Variants in GUCY1A1 observed in about 807,000 individuals in gnomAD.
The protein encoded by GUCY1A1 is guanylate cyclase 1 soluble subunit alpha 1, also known as guanylate cyclase soluble subunit alpha-1.
In GUCY1A1, 48 loss-of-function variants were observed where a neutral mutation model predicts 64.5. The ratio of observed to expected loss-of-function variants is 0.74; its 90% CI spans 0.59 to 0.95. The LOEUF (loss-of-function observed/expected upper bound fraction) is 0.95. GUCY1A1 is among the 40% of genes least tolerant of loss of function. The pLI, the probability that GUCY1A1 is intolerant of heterozygous loss-of-function variation, is 0.00. For missense variants in GUCY1A1, 804 were observed against 825.3 expected, an observed-to-expected ratio of 0.97 and a Z score of 0.32; for synonymous variants, 308 against 303.4, an observed-to-expected ratio of 1.02 and a Z score of -0.16.
chr4:155,710,901 G>A lies in GUCY1A1; in HGVS notation c.736G>A (p.Glu246Lys), dbSNP rs779705136. The A allele has an allele frequency of 4.3e-6, 7 of 1,613,914 alleles. No homozygotes were observed. The highest frequency in any genetic ancestry group is 5.1e-6 in the Non-Finnish European group (6 of 1,179,828). ...TCCCTGCTTCCATAATGATTGCAGC[G>A]AGTTTGTGAATCAGCCCTACTTGTT... Reference protein sequence around the residue: ...MPPCFHNDCSEFVNQPYLLYS... With the variant: ...MPPCFHNDCSKFVNQPYLLYS... Residue 246 changes from glutamate to lysine, a missense_variant, in exon 6 of 10, where the codon GAG (glutamate) becomes AAG (lysine). Transcript: ENST00000506455.
rs532628768 is a variant in GUCY1A1, at chr4:155,736,813, C to A, written c.*6582C>A. 1 of 151,892 alleles carries A rather than the reference C, an allele frequency of 6.6e-6. No homozygotes were observed. The highest frequency in any genetic ancestry group is 2.1e-4 in the South Asian group (1 of 4,820). The allele number at this position is 151,892 out of a possible 1,614,324, so 9.4% of individuals were successfully genotyped here. ...TTTTGTTATGTTTAGTAACTAATTT[C>A]ATTTTTTCTGTATATGTAAATATAG... On this transcript the variant is annotated 3_prime_UTR_variant, in exon 10 of 10. Transcript: ENST00000506455.
chr4:155,704,445 G>A (rs534110232), intron 4 of GUCY1A1, among the ~76,000 whole-genome samples: 5 of 152,022 alleles, frequency 3.3e-5, no homozygotes, highest in Non-Finnish European at 5.9e-5. Flanking sequence ...GGTCCCAGCA[G>A]GTACCCCATC....
chr4:155,726,250 A>G (rs1414114044), intron 9 of GUCY1A1, among the ~76,000 whole-genome samples: 1 of 152,016 alleles, frequency 6.6e-6, no homozygotes, highest in African/African-American at 2.4e-5. Flanking sequence ...TGTCTTATTT[A>G]GGCAAAATAT....
rs1579087190 is a variant in GUCY1A1 at position 155,710,940 on chromosome 4, A to G, written c.775A>G (p.Met259Val). 6.2e-7 allele frequency: 1 copy of G among 1,613,892 alleles called. No homozygotes were observed. Among genetic ancestry groups the G allele is most frequent in the Non-Finnish European group, 8.5e-7 (1 of 1,179,770 alleles). ...GCCCTACTTGTTGTACTCCGTTCAC[A>G]TGAAAAGCACCAAGCCATCCCTGTC... ...NQPYLLYSVHMKSTKPSLSPS... is the reference protein window; with the variant it reads ...NQPYLLYSVHVKSTKPSLSPS... The change falls in exon 6 of 10, where the codon ATG (methionine) becomes GTG (valine). Residue 259 changes from methionine to valine, a missense_variant. Transcript: ENST00000506455.
intron 8 of GUCY1A1, among the ~76,000 whole-genome samples, chr4:155,718,363 A>G (rs974265297): frequency 6.6e-6 from 1 of 152,196 alleles, no homozygotes; most frequent in Non-Finnish European, 1.5e-5. Flanking sequence ...CTATTTTCTA[A>G]GTCTATTGTC....
At chr4:155,723,439 C>A (rs916780015) in intron 9 of GUCY1A1, among the ~76,000 whole-genome samples, 1 of 151,960 alleles carries the variant, frequency 6.6e-6, no homozygotes, top group African/African-American at 2.4e-5. Flanking sequence ...CACCTTTAAC[C>A]GGAAAATAAA....
At chr4:155,722,982 T>C (rs1328587029) in intron 9 of GUCY1A1, among the ~76,000 whole-genome samples, 2 of 152,084 alleles carry the variant, frequency 1.3e-5, no homozygotes, top group Non-Finnish European at 2.9e-5. Context: ...GTGATTGAAC[T>C]CAGTCACCAC....
chr4:155,685,467 A>G (rs552667013), intron 2 of GUCY1A1, among the ~76,000 whole-genome samples: 8 of 152,258 alleles, frequency 5.3e-5, no homozygotes, highest in East Asian at 1.9e-4. Flanking sequence ...TATAATGCTC[A>G]TGTATCACTG....
intron 2 of GUCY1A1, among the ~76,000 whole-genome samples, chr4:155,696,231 C>A (rs1440050928): frequency 6.6e-6 from 1 of 151,330 alleles, no homozygotes; most frequent in Non-Finnish European, 1.5e-5. Context: ...TTTCATTGAA[C>A]TTTTTTTTTC....
At chr4:155,689,314 A>G (rs1729430246) in intron 2 of GUCY1A1, among the ~76,000 whole-genome samples, 1 of 152,162 alleles carries the variant, frequency 6.6e-6, no homozygotes, top group Non-Finnish European at 1.5e-5. Flanking sequence ...TGAGAATCAT[A>G]GAAAAAGATG....
rs1732263202 is a variant in GUCY1A1, at chr4:155,709,550, T to TGCCAC, written c.377-992_377-991insGCCAC. On this transcript the variant is annotated intron_variant, in intron 5 of 9. Transcript: ENST00000506455. Reference sequence around the variant, plus strand: ...CAGAAAGTACTAAAAAAACTGCCTCTTGGCAAGGCATGGTGGTTCACGCCT... The same window carrying TGCCAC: ...CAGAAAGTACTAAAAAAACTGCCTCTGCCACTGGCAAGGCATGGTGGTTCACGCCT... Among the ~76,000 whole-genome samples, 6 of 152,328 alleles carry TGCCAC rather than the reference T, an allele frequency of 3.9e-5. No individual in the cohort carries two copies. The South Asian group carries it at 1.2e-3, about 32-fold the overall frequency.
At chr4:155,701,593 C>T (rs922308680) in intron 3 of GUCY1A1, among the ~76,000 whole-genome samples, 6 of 152,028 alleles carry the variant, frequency 3.9e-5, no homozygotes, top group Non-Finnish European at 8.8e-5. Flanking sequence ...AAGAAGAAAG[C>T]ATTCTTCAGT....
At chr4:155,705,826 G>A (rs951440691) in intron 4 of GUCY1A1, among the ~76,000 whole-genome samples, 1 of 152,210 alleles carries the variant, frequency 6.6e-6, no homozygotes, top group African/African-American at 2.4e-5. Context: ...AGGGGTCATG[G>A]ACAGGTCCAG....
intron 2 of GUCY1A1, among the ~76,000 whole-genome samples, chr4:155,681,197 T>TG (rs1045911279): frequency 1.3e-5 from 2 of 152,150 alleles, no homozygotes; most frequent in African/African-American, 4.8e-5. Context: ...AAATTATGAT[T>TG]GCAGAGCTTG....
intron 9 of GUCY1A1, among the ~76,000 whole-genome samples, chr4:155,722,941 T>A (rs1004997477): frequency 7.2e-5 from 11 of 152,214 alleles, no homozygotes; most frequent in Non-Finnish European, 1.0e-4. Flanking sequence ...GTTTTCATTA[T>A]GTAGGCATGA....
At chr4:155,701,802 C>T (rs865821035) in intron 3 of GUCY1A1, among the ~76,000 whole-genome samples, 1 of 99,632 alleles carries the variant, frequency 1.0e-5, no homozygotes, top group African/African-American at 3.8e-5. Flanking sequence ...ACTCTATATC[C>T]AAAAAAAAAA....
intron 3 of GUCY1A1, among the ~76,000 whole-genome samples, chr4:155,702,913 A>G (rs1212078766): frequency 6.6e-6 from 1 of 151,472 alleles, no homozygotes; most frequent in Non-Finnish European, 1.5e-5. Flanking sequence ...ACAGCAAAAA[A>G]TTTTTCACTT....
intron 7 of GUCY1A1, among the ~76,000 whole-genome samples, chr4:155,715,275 C>T (rs1452010880): frequency 6.6e-6 from 1 of 152,104 alleles, no homozygotes; most frequent in Non-Finnish European, 1.5e-5. Flanking sequence ...GTAGCCTACC[C>T]TATGAGTGCC....
Position 155,701,801 on chromosome 4 carries a change from C to CT in GUCY1A1, c.256-2131_256-2130insT, listed in dbSNP as rs1560938819. Among the ~76,000 whole-genome samples the CT allele has an allele frequency of 2.2e-3, 249 of 114,032 alleles. 1 individual carries two copies. The highest frequency in any genetic ancestry group is 8.0e-3 in the African/African-American group (241 of 30,314). The allele number at this position is 114,032 out of a possible 152,430, so 74.8% of individuals were successfully genotyped here. On this transcript the variant is annotated intron_variant, in intron 3 of 9. Coordinates refer to ENST00000506455, the MANE Select transcript of GUCY1A1 (RefSeq NM_001130682.3). ...TGGATGACAGAGCAAAACTCTATAT[C>CT]CAAAAAAAAAAAAAAAAGAAGTTCC... is the stretch of plus-strand genomic sequence containing the variant.
Sources: allele counts gnomAD v4.1 joint callset (sites outside exome capture counted in the v4.1 genomes callset), GRCh38; gene constraint gnomAD v4.1.1; transcripts MANE v1.5; gene names NCBI Gene and HGNC (gene_info 2026-07-23, HGNC 2026-07-21).